The following NLK variants were observed in gnomAD, a reference collection of about 807,000 sequenced individuals.
The protein encoded by NLK is nemo like kinase, also known as serine/threonine-protein kinase NLK.
NLK carries 11 observed loss-of-function variants against 59.0 expected under a neutral mutation model. The observed-to-expected ratio is 0.19, with a 90% confidence interval of 0.12 to 0.31. The LOEUF is 0.31. Ranked by LOEUF, NLK falls within the 10% of genes least tolerant of loss-of-function variation. The pLI, the probability that NLK is intolerant of heterozygous loss-of-function variation, is 1.00. For synonymous variants in NLK, 235 were observed against 235.9 expected (o/e 1.00, Z 0.03); for missense variants, 410 against 661.1 (o/e 0.62, Z 4.16).
intron 5 of NLK, 95 bp downstream of exon 5, chr17:28,163,723 C>T: frequency 1.4e-6 from 1 of 740,014 alleles, no homozygotes. Flanking sequence ...AAGTTCATTT[C>T]CATTACTTTA....
chr17:28,192,609 G>C (rs34082102), intron 10 of NLK, among the ~76,000 whole-genome samples: 2 of 151,924 alleles, frequency 1.3e-5, no homozygotes, highest in African/African-American at 4.8e-5. Flanking sequence ...CAGAGGTTGC[G>C]GTGAGCCGAG....
chr17:28,156,445 G>A (rs141397951), intron 3 of NLK, among the ~76,000 whole-genome samples: 275 of 152,232 alleles, frequency 1.8e-3, no homozygotes, highest in African/African-American at 6.2e-3. Flanking sequence ...ATTGCCTCAA[G>A]AGTCACTTTT....
At chr17:28,150,861 A>G (rs887595455) in intron 3 of NLK, among the ~76,000 whole-genome samples, 1 of 152,114 alleles carries the variant, frequency 6.6e-6, no homozygotes, top group Admixed American at 6.5e-5. Context: ...AATAGGAGAG[A>G]TGGTTAATCT....
intron 1 of NLK, among the ~76,000 whole-genome samples, chr17:28,078,397 A>C (rs1910237814): frequency 6.6e-6 from 1 of 152,158 alleles, no homozygotes; most frequent in African/African-American, 2.4e-5. Flanking sequence ...TTACAGCAAA[A>C]TTTGGGAAGT....
chr17:28,086,771 G>T (rs1025719300), intron 1 of NLK, among the ~76,000 whole-genome samples: 1 of 151,660 alleles, frequency 6.6e-6, no homozygotes, highest in Non-Finnish European at 1.5e-5. Flanking sequence ...GGTGGCTCAC[G>T]CCTATAATCC....
At chr17:28,109,048 G>T (rs547037031) in intron 1 of NLK, among the ~76,000 whole-genome samples, 18 of 152,218 alleles carry the variant, frequency 1.2e-4, no homozygotes, top group Middle Eastern at 3.4e-3. Context: ...GTGGGCGCCT[G>T]TAGTCCCAGC....
chr17:28,110,521 A>G (rs1170175628), intron 1 of NLK, among the ~76,000 whole-genome samples: 2 of 150,200 alleles, frequency 1.3e-5, no homozygotes, highest in African/African-American at 4.9e-5. Flanking sequence ...GGATCTGTAG[A>G]TTATTTTTCA....
At chr17:28,173,732 T>C (rs1251844679) in intron 7 of NLK, among the ~76,000 whole-genome samples, 7 of 152,210 alleles carry the variant, frequency 4.6e-5, no homozygotes, top group African/African-American at 1.7e-4. Context: ...TTCTATATTA[T>C]AGAAGGAACT....
chr17:28,107,641 TTAAAAA>T (rs1905243052), intron 1 of NLK, among the ~76,000 whole-genome samples: 1 of 152,074 alleles, frequency 6.6e-6, no homozygotes, highest in Non-Finnish European at 1.5e-5. Context: ...TATTCAACAA[TTAAAAA>T]TAATATTCAC....
At chr17:28,183,700 A>G (rs945213040) in intron 7 of NLK, among the ~76,000 whole-genome samples, 4 of 152,182 alleles carry the variant, frequency 2.6e-5, no homozygotes, top group African/African-American at 7.2e-5. Context: ...CTGACCACAG[A>G]AAGGTTATAA....
At chr17:28,126,064 G>C (rs1906278563) in intron 2 of NLK, among the ~76,000 whole-genome samples, 1 of 152,154 alleles carries the variant, frequency 6.6e-6, no homozygotes, top group East Asian at 1.9e-4. Flanking sequence ...TGCACATCCT[G>C]TATGCCTAAA....
chr17:28,170,276 T>G (rs1908409002), intron 6 of NLK, among the ~76,000 whole-genome samples: 1 of 152,198 alleles, frequency 6.6e-6, no homozygotes, highest in African/African-American at 2.4e-5. Context: ...ATAGAAAACT[T>G]AAATGAAGGT....
intron 1 of NLK, among the ~76,000 whole-genome samples, chr17:28,064,494 C>A (rs183627298): frequency 1.3e-3 from 191 of 152,098 alleles, no homozygotes; most frequent in African/African-American, 4.3e-3. Context: ...GGCTTTGAGT[C>A]CTGAGGGTAG....
chr17:28,192,749 C>T (rs1366769260), intron 10 of NLK, among the ~76,000 whole-genome samples: 1 of 152,058 alleles, frequency 6.6e-6, no homozygotes, highest in Non-Finnish European at 1.5e-5. Context: ...ATTTTTTCCC[C>T]GGATGACCAT....
chr17:28,109,027 C>T (rs997684317), intron 1 of NLK, among the ~76,000 whole-genome samples: 4 of 151,882 alleles, frequency 2.6e-5, no homozygotes, highest in East Asian at 1.9e-4. Context: ...AAAAAGTAGC[C>T]GGGCATGGTG....
At chr17:28,168,802 T>C in intron 6 of NLK, 145 bp downstream of exon 6, 1 of 633,802 alleles carries the variant, frequency 1.6e-6, no homozygotes. Context: ...CAGAAAGTTA[T>C]AAAGTTGAAG....
intron 1 of NLK, among the ~76,000 whole-genome samples, chr17:28,065,874 C>G (rs1343422147): frequency 6.6e-6 from 1 of 152,296 alleles, no homozygotes; most frequent in East Asian, 1.9e-4. Context: ...GCTCATTTCT[C>G]CACTGCTCAC....
chr17:28,099,568 C>CTTT (rs945214545), intron 1 of NLK, among the ~76,000 whole-genome samples: 22 of 122,934 alleles, frequency 1.8e-4, no homozygotes, highest in South Asian at 2.5e-4. Flanking sequence ...TTGTGTTTGA[C>CTTT]TTTTTTTTTT....
the NLK span, among the ~76,000 whole-genome samples, chr17:28,205,322 G>A: frequency 6.6e-6 from 1 of 152,184 alleles, no homozygotes; most frequent in East Asian, 1.9e-4. Context: ...CTGACTGAGA[G>A]ATATCCATGG....
Sources: allele counts gnomAD v4.1 joint callset (sites outside exome capture counted in the v4.1 genomes callset), GRCh38; gene constraint gnomAD v4.1.1; transcripts MANE v1.5; gene names NCBI Gene and HGNC (gene_info 2026-07-23, HGNC 2026-07-21).